Variants in DIAPH3 observed in about 807,000 individuals in gnomAD.
DIAPH3 encodes diaphanous related formin 3, also known as protein diaphanous homolog 3.
A neutral mutation model predicts 144.3 loss-of-function variants in DIAPH3; 117 were observed. The observed-to-expected ratio is 0.81, with a 90% CI of 0.70 to 0.95. The LOEUF (loss-of-function observed/expected upper bound fraction) is 0.95, where lower values mean the gene tolerates loss of function less well. Among genes scored for constraint, DIAPH3 ranks in the 40% least tolerant of loss-of-function variants. DIAPH3 has a pLI of 0.00. For missense variants in DIAPH3, 1,421 were observed against 1,412.7 expected, an observed-to-expected ratio of 1.01 and a Z score of -0.09; for synonymous variants, 519 against 488.9, an observed-to-expected ratio of 1.06 and a Z score of -0.81.
intron 5 of DIAPH3, among the ~76,000 whole-genome samples, chr13:60,021,442 C>G (rs1386778991): frequency 6.6e-6 from 1 of 152,030 alleles, no homozygotes. Context: ...CTGGCCAACA[C>G]GGAGAAACCC....
intron 17 of DIAPH3, among the ~76,000 whole-genome samples, chr13:59,945,462 A>G (rs1173919512): frequency 6.6e-6 from 1 of 152,178 alleles, no homozygotes; most frequent in Non-Finnish European, 1.5e-5. Context: ...TTGGCTGAAT[A>G]ACTGTTCAGC....
At chr13:60,159,766 C>T (rs766922025) in intron 1 of DIAPH3, among the ~76,000 whole-genome samples, 23 of 152,074 alleles carry the variant, frequency 1.5e-4, no homozygotes, top group Non-Finnish European at 2.9e-4. Flanking sequence ...CTATGGCAAA[C>T]AAGATTAATA....
At chr13:60,101,521 CTTT>C (rs1229364840) in intron 3 of DIAPH3, among the ~76,000 whole-genome samples, 3 of 143,222 alleles carry the variant, frequency 2.1e-5, no homozygotes, top group Admixed American at 7.0e-5. Flanking sequence ...TTTGCGATTT[CTTT>C]TTTTTTTTTT....
chr13:59,955,163 T>C (rs535390311), intron 17 of DIAPH3, among the ~76,000 whole-genome samples: 6 of 152,034 alleles, frequency 3.9e-5, no homozygotes, highest in Admixed American at 2.6e-4. Context: ...TTTTTATATA[T>C]GAAAAATTCT....
intron 27 of DIAPH3, among the ~76,000 whole-genome samples, chr13:59,763,780 G>C (rs764227618): frequency 6.6e-6 from 1 of 152,024 alleles, no homozygotes; most frequent in Non-Finnish European, 1.5e-5. Flanking sequence ...TTTATTAAGA[G>C]GTCCTTTGTT....
intron 20 of DIAPH3, among the ~76,000 whole-genome samples, chr13:59,894,369 G>GT (rs2045975972): frequency 1.3e-5 from 2 of 151,978 alleles, no homozygotes; most frequent in Non-Finnish European, 2.9e-5. Flanking sequence ...AGAAACCTGC[G>GT]TTTTAGGAAG....
intron 3 of DIAPH3, among the ~76,000 whole-genome samples, chr13:60,104,566 G>GCACACACACACACACACACACACA (rs10633554): frequency 6.8e-6 from 1 of 147,026 alleles, no homozygotes; most frequent in South Asian, 2.2e-4. Context: ...CAGTATCAAG[G>GCACACACACACACACACACACACA]CACACACACA....
chr13:60,116,166 T>C (rs57907984), intron 2 of DIAPH3, among the ~76,000 whole-genome samples: 5,584 of 152,174 alleles, frequency 0.037, 136 homozygotes, highest in East Asian at 0.075. Flanking sequence ...ATGTTGGTGA[T>C]ACAAAGATAA....
chr13:60,114,229 T>A, intron 2 of DIAPH3, among the ~76,000 whole-genome samples: 2 of 147,786 alleles, frequency 1.4e-5, no homozygotes, highest in Admixed American at 6.7e-5. Flanking sequence ...GAGTGGACAT[T>A]ACACATGAGA....
At chr13:60,111,145 G>A (rs76457372) in intron 3 of DIAPH3, among the ~76,000 whole-genome samples, 1 of 152,114 alleles carries the variant, frequency 6.6e-6, no homozygotes, top group Non-Finnish European at 1.5e-5. Flanking sequence ...ACGGATGGGA[G>A]AAAAGTGCAC....
At chr13:60,049,097 C>T (rs1160337732) in intron 4 of DIAPH3, among the ~76,000 whole-genome samples, 1 of 152,166 alleles carries the variant, frequency 6.6e-6, no homozygotes, top group African/African-American at 2.4e-5. Flanking sequence ...AAAGAATTCA[C>T]TACTGATAAA....
rs2058021832 is a variant in DIAPH3 at position 60,093,642 on chromosome 13, T to C, written c.481A>G (p.Thr161Ala). 1 of 1,609,210 alleles carries C rather than the reference T, an allele frequency of 6.2e-7. No individual in the cohort carries two copies. Among genetic ancestry groups the C allele is most frequent in the Non-Finnish European group, 8.5e-7 (1 of 1,176,562 alleles). ...KKEMVMQYINTASKTGSLKRS... is the reference protein window; with the variant it reads ...KKEMVMQYINAASKTGSLKRS... ...GTTTTACTTACTGTCTTAGAAGCAG[T>C]ATTAATGTACTGCATCACCATTTCT... The change falls in exon 4 of 28, where the codon ACT (threonine) becomes GCT (alanine). Residue 161 changes from threonine (T) to alanine (A), a missense_variant. Physicochemically the swap from Thr to Ala is moderately conservative, Grantham distance 58 (BLOSUM62 0). Transcript: ENST00000400324.
intron 7 of DIAPH3, 46 bp downstream of exon 7, chr13:60,015,867 A>G: frequency 6.6e-7 from 1 of 1,511,968 alleles, no homozygotes; most frequent in Non-Finnish European, 9.2e-7. Flanking sequence ...AAAATCATAT[A>G]TTACAAAATT....
chr13:59,927,213 T>C (rs2047795066), intron 17 of DIAPH3, among the ~76,000 whole-genome samples: 1 of 152,184 alleles, frequency 6.6e-6, no homozygotes, highest in Non-Finnish European at 1.5e-5. Flanking sequence ...TGTTTATCTT[T>C]ACAGGTGAAG....
chr13:59,918,419 A>G (rs997687497), intron 18 of DIAPH3, among the ~76,000 whole-genome samples: 4 of 152,264 alleles, frequency 2.6e-5, no homozygotes, highest in Admixed American at 2.6e-4. Context: ...AAAAGACTCG[A>G]GTTCTGGCCT....
Position 59,993,702 on chromosome 13 carries a change from T to TAAAAAAAAAAAAAAAA in DIAPH3, c.1015-1135_1015-1120dup, listed in dbSNP as rs3078724. On this transcript the variant is annotated intron_variant, in intron 9 of 27. Transcript: ENST00000400324. The stretch of plus-strand genomic sequence containing the variant: ...GAGAGAGGAAGAAGAGAAACATACT[T>TAAAAAAAAAAAAAAAA]AAAAAAAAAAAAAAAAAAAACTTAA... 3.8e-4 allele frequency among the ~76,000 whole-genome samples: 28 copies of TAAAAAAAAAAAAAAAA among 73,862 alleles called. 1 individual carries two copies. Among genetic ancestry groups the TAAAAAAAAAAAAAAAA allele is most frequent in the African/African-American group, 6.7e-4 (11 of 16,476 alleles). The allele number at this position is 73,862 out of a possible 152,430, so 48.5% of individuals were successfully genotyped here. A position where few individuals can be genotyped will look rare whatever the true frequency, so the allele number is the denominator to read the frequency against.
intron 13 of DIAPH3, among the ~76,000 whole-genome samples, chr13:59,983,153 A>C (rs1380970127): frequency 6.7e-6 from 1 of 149,902 alleles, no homozygotes; most frequent in Non-Finnish European, 1.5e-5. Flanking sequence ...AAAAAAAAAA[A>C]AAAAAACTCT....
intron 17 of DIAPH3, among the ~76,000 whole-genome samples, chr13:59,942,397 A>T (rs2048580419): frequency 6.6e-6 from 1 of 152,132 alleles, no homozygotes; most frequent in South Asian, 2.1e-4. Context: ...GACTAAGGCA[A>T]AGTTGCCTTT....
intron 2 of DIAPH3, among the ~76,000 whole-genome samples, chr13:60,130,419 G>T (rs1047515086): frequency 9.9e-5 from 15 of 152,194 alleles, no homozygotes; most frequent in Non-Finnish European, 1.9e-4. Flanking sequence ...TGTGAAGAGG[G>T]TCAATGAGGA....
Sources: allele counts gnomAD v4.1 joint callset (sites outside exome capture counted in the v4.1 genomes callset), GRCh38; gene constraint gnomAD v4.1.1; transcripts MANE v1.5; gene names NCBI Gene and HGNC (gene_info 2026-07-23, HGNC 2026-07-21).